Variants in AUTS2 observed in about 807,000 individuals in gnomAD.
The protein encoded by AUTS2 is autism susceptibility gene 2 protein.
In AUTS2, 17 loss-of-function variants were observed where a neutral mutation model predicts 112.4. The ratio of observed to expected loss-of-function variants is 0.15; its 90% CI spans 0.10 to 0.23. The LOEUF is 0.23. AUTS2 is among the 10% of genes least tolerant of loss of function. The pLI is 1.00. For synonymous variants in AUTS2, 751 were observed against 702.7 expected (o/e 1.07, Z -1.09); for missense variants, 1,510 against 1,701.6 (o/e 0.89, Z 1.98).
At chr7:70,745,592 A>G (rs1209762805) in intron 6 of AUTS2, among the ~76,000 whole-genome samples, 1 of 152,176 alleles carries the variant, frequency 6.6e-6, no homozygotes, top group East Asian at 1.9e-4. Flanking sequence ...AAGAGTGTTG[A>G]CTGCTATAGA....
At chr7:70,723,925 G>A (rs1366547576) in intron 6 of AUTS2, among the ~76,000 whole-genome samples, 2 of 151,932 alleles carry the variant, frequency 1.3e-5, no homozygotes, top group Non-Finnish European at 2.9e-5. Flanking sequence ...CAGAGTCTGG[G>A]TCTGTCACCC....
intron 1 of AUTS2, among the ~76,000 whole-genome samples, chr7:69,649,523 T>C (rs766135943): frequency 1.2e-4 from 18 of 152,168 alleles, no homozygotes; most frequent in Non-Finnish European, 2.2e-4. Flanking sequence ...GCTTTTTTTT[T>C]TGGCCTTTGG....
At chr7:70,602,076 G>T (rs181411493) in intron 5 of AUTS2, among the ~76,000 whole-genome samples, 1 of 152,170 alleles carries the variant, frequency 6.6e-6, no homozygotes, top group East Asian at 1.9e-4. Context: ...GAGACTACCA[G>T]GCACATCCTC....
At chr7:70,556,098 G>A (rs4236238) in intron 5 of AUTS2, among the ~76,000 whole-genome samples, 42,848 of 152,022 alleles carry the variant, frequency 0.28, 6,657 homozygotes, top group Admixed American at 0.42. Flanking sequence ...GAGCCACCAC[G>A]CCTGGCCAAG....
chr7:70,445,520 A>G (rs1181776712), intron 5 of AUTS2, among the ~76,000 whole-genome samples: 1 of 152,128 alleles, frequency 6.6e-6, no homozygotes, highest in Non-Finnish European at 1.5e-5. Flanking sequence ...TCTACTAACA[A>G]CTTAGATTGT....
At chr7:69,785,452 T>C (rs1452013726) in intron 1 of AUTS2, among the ~76,000 whole-genome samples, 1 of 152,270 alleles carries the variant, frequency 6.6e-6, no homozygotes, top group Non-Finnish European at 1.5e-5. Context: ...TTTTTGTTGT[T>C]CTGTTTTAAA....
chr7:70,435,712 G>A (rs759709439), intron 4 of AUTS2, 40 bp from the exon 5 acceptor site: 7 of 1,611,776 alleles, frequency 4.3e-6, no homozygotes, highest in Non-Finnish European at 8.5e-7. Context: ...AACATACTCA[G>A]TTCTTGCACT....
chr7:69,794,826 C>T (rs941901343), intron 1 of AUTS2, among the ~76,000 whole-genome samples: 3 of 152,032 alleles, frequency 2.0e-5, no homozygotes, highest in Non-Finnish European at 2.9e-5. Context: ...GGAGAGAGCT[C>T]ATTTTCCTCC....
intron 2 of AUTS2, among the ~76,000 whole-genome samples, chr7:70,004,947 C>G (rs1279110600): frequency 6.6e-6 from 1 of 151,912 alleles, no homozygotes; most frequent in African/African-American, 2.4e-5. Flanking sequence ...GCCTCAGCCT[C>G]CCAAGTAGCT....
chr7:70,042,875 A>T (rs1439133622), intron 2 of AUTS2, among the ~76,000 whole-genome samples: 1 of 152,192 alleles, frequency 6.6e-6, no homozygotes, highest in African/African-American at 2.4e-5. Context: ...CATGCTTCTT[A>T]TAGAGTTCAG....
At chr7:70,221,034 C>T (rs895016372) in intron 4 of AUTS2, among the ~76,000 whole-genome samples, 3 of 152,130 alleles carry the variant, frequency 2.0e-5, no homozygotes, top group Admixed American at 2.0e-4. Flanking sequence ...TCCTGAGTGG[C>T]CAGGACCCTA....
intron 2 of AUTS2, among the ~76,000 whole-genome samples, chr7:69,947,869 T>C (rs1363113747): frequency 6.6e-6 from 1 of 152,174 alleles, no homozygotes; most frequent in East Asian, 1.9e-4. Flanking sequence ...TCCCTTCTTA[T>C]AGGTTAGGAA....
rs537010713 is a variant in AUTS2, at chr7:70,631,343, G to A, written c.691-67226G>A. Among the ~76,000 whole-genome samples, 2 of 152,178 alleles carry A rather than the reference G, an allele frequency of 1.3e-5. No individual in the cohort carries two copies. Among genetic ancestry groups the A allele is most frequent in the South Asian group, 2.1e-4 (1 of 4,832 alleles). On this transcript the variant is annotated intron_variant, in intron 5 of 18. Transcript: ENST00000342771. This position sits in a 1 kb window ranked among gnomAD's most constrained non-coding sequence, Gnocchi z 4.5. Reference sequence around the variant, plus strand: ...AGAGAACACCAGGGCAGGGGCTGGCGACTGGCGGCGGGGAAGCATGTGCAC... The same window carrying A: ...AGAGAACACCAGGGCAGGGGCTGGCAACTGGCGGCGGGGAAGCATGTGCAC...
chr7:70,587,394 G>A (rs1802736321), intron 5 of AUTS2, among the ~76,000 whole-genome samples: 1 of 152,146 alleles, frequency 6.6e-6, no homozygotes, highest in Admixed American at 6.5e-5. Context: ...GATTTTTCAA[G>A]AGGAAATGAG....
intron 11 of AUTS2, 36 bp downstream of exon 11, chr7:70,771,680 G>A (rs750987581): frequency 6.3e-7 from 1 of 1,591,700 alleles, no homozygotes; most frequent in South Asian, 1.1e-5. Context: ...ACAGGCATGT[G>A]TCTAAGTGGC....
chr7:70,110,254 G>A (rs557556474), intron 2 of AUTS2, among the ~76,000 whole-genome samples: 2 of 152,286 alleles, frequency 1.3e-5, no homozygotes, highest in South Asian at 4.1e-4. Flanking sequence ...AGTGGCTCAC[G>A]CCAGTAATCC....
chr7:70,085,935 A>AT (rs397760421), intron 2 of AUTS2, among the ~76,000 whole-genome samples: 1 of 151,992 alleles, frequency 6.6e-6, no homozygotes, highest in South Asian at 2.1e-4. Flanking sequence ...AAAAAAAAAA[A>AT]TTAAAGGAAA....
At chr7:70,086,568 G>GA (rs1584699259) in intron 2 of AUTS2, among the ~76,000 whole-genome samples, 2 of 146,484 alleles carry the variant, frequency 1.4e-5, no homozygotes, top group Admixed American at 7.0e-5. Flanking sequence ...TTGAACCTGG[G>GA]AAACGATGGT....
intron 2 of AUTS2, among the ~76,000 whole-genome samples, chr7:69,990,062 A>C (rs998223968): frequency 6.6e-6 from 1 of 152,206 alleles, no homozygotes; most frequent in African/African-American, 2.4e-5. Context: ...GACCGCTGAC[A>C]TACAAGAAGA....
Sources: gnomAD v4.1 joint callset for allele counts (sites outside exome capture counted in the v4.1 genomes callset) on GRCh38, gnomAD v4.1.1 for gene constraint, Gnocchi (gnomAD v3.1) non-coding constraint, MANE v1.5 for transcripts, NCBI Gene and HGNC (gene_info 2026-07-23, HGNC 2026-07-21) for gene names.